METTL6: variants seen among roughly 807,000 people sequenced by gnomAD.
The protein encoded by METTL6 is tRNA N(3)-cytidine methyltransferase METTL6.
A neutral mutation model predicts 26.4 loss-of-function variants in METTL6; 22 were observed. The ratio of observed to expected loss-of-function variants is 0.83; its 90% CI spans 0.59 to 1.19. The LOEUF (loss-of-function observed/expected upper bound fraction) is 1.19. Among genes scored for constraint, METTL6 ranks in the 50% most tolerant of loss-of-function variants. The pLI is 0.00. For synonymous variants in METTL6, 109 were observed against 116.2 expected (o/e 0.94, Z 0.40); for missense variants, 304 against 324.8 (o/e 0.94, Z 0.49).
At chr3:15,401,536 C>CAAAAAAAAAAAAAAA (rs35578326) in intron 6 of METTL6, among the ~76,000 whole-genome samples, 5 of 71,856 alleles carry the variant, frequency 7.0e-5, no homozygotes, top group South Asian at 5.1e-4. Context: ...ATGTTCACGC[C>CAAAAAAAAAAAAAAA]AAAAAAAAAA....
At chr3:15,401,039 TTTC>T (rs1370264662) in intron 6 of METTL6, among the ~76,000 whole-genome samples, 6 of 151,702 alleles carry the variant, frequency 4.0e-5, no homozygotes, top group African/African-American at 7.3e-5. Flanking sequence ...AGTTTTGTAT[TTTC>T]TTCTTTTTTT....
At chr3:15,392,232 C>T (rs1194572712) in intron 6 of METTL6, among the ~76,000 whole-genome samples, 1 of 152,194 alleles carries the variant, frequency 6.6e-6, no homozygotes, top group Non-Finnish European at 1.5e-5. Flanking sequence ...TTTTGATTTG[C>T]ATTTCTCTGA....
intron 6 of METTL6, among the ~76,000 whole-genome samples, chr3:15,396,547 T>C (rs1389734208): frequency 6.6e-6 from 1 of 152,206 alleles, no homozygotes; most frequent in Non-Finnish European, 1.5e-5. Flanking sequence ...CTGCGTTCCT[T>C]TGGAGGAGGA....
chr3:15,423,141 A>G (rs1055223638), intron 3 of METTL6, among the ~76,000 whole-genome samples: 5 of 152,334 alleles, frequency 3.3e-5, no homozygotes, highest in Admixed American at 3.3e-4. Flanking sequence ...CACGCCTGTA[A>G]TCCCAGCACT....
intron 1 of METTL6, among the ~76,000 whole-genome samples, chr3:15,426,856 T>G (rs1424627014): frequency 6.6e-6 from 1 of 152,206 alleles, no homozygotes; most frequent in East Asian, 1.9e-4. Flanking sequence ...TCAAACCAGA[T>G]GAGTCAACTA....
intron 3 of METTL6, among the ~76,000 whole-genome samples, chr3:15,421,694 G>A (rs2061614705): frequency 6.6e-6 from 1 of 151,938 alleles, no homozygotes; most frequent in African/African-American, 2.4e-5. Context: ...TGGATCACCT[G>A]AGGTCAGGAG....
intron 5 of METTL6, among the ~76,000 whole-genome samples, 197 bp from the exon 6 acceptor site, chr3:15,411,634 A>C (rs1006955890): frequency 6.6e-6 from 1 of 152,210 alleles, no homozygotes; most frequent in African/African-American, 2.4e-5. Context: ...CCTCCAATTA[A>C]ACAATTAAAT....
intron 6 of METTL6, among the ~76,000 whole-genome samples, chr3:15,403,979 C>T (rs566278781): frequency 6.6e-5 from 10 of 152,296 alleles, no homozygotes; most frequent in South Asian, 6.2e-4. Context: ...AGAGGTCACT[C>T]TCGTCGCCAT....
chr3:15,402,316 G>A (rs548029076), intron 6 of METTL6, among the ~76,000 whole-genome samples: 10 of 152,308 alleles, frequency 6.6e-5, no homozygotes, highest in African/African-American at 2.4e-4. Flanking sequence ...TAGGGAATGG[G>A]GAGTGCCCAT....
At chr3:15,386,116 A>G (rs894164455) in intron 6 of METTL6, among the ~76,000 whole-genome samples, 1 of 152,196 alleles carries the variant, frequency 6.6e-6, no homozygotes, top group African/African-American at 2.4e-5. Flanking sequence ...TGGATTATTC[A>G]TGAGTTTTCT....
chr3:15,392,343 G>T (rs1365441870), intron 6 of METTL6, among the ~76,000 whole-genome samples: 1 of 149,578 alleles, frequency 6.7e-6, no homozygotes, highest in Non-Finnish European at 1.5e-5. Flanking sequence ...TGTTGATGGG[G>T]TTGTTTTTTT....
chr3:15,412,094 T>C (rs946145097), intron 5 of METTL6, among the ~76,000 whole-genome samples: 2 of 152,206 alleles, frequency 1.3e-5, no homozygotes, highest in Admixed American at 6.6e-5. Context: ...AATTATCTTA[T>C]TGTTTCCCAT....
At chr3:15,401,667 T>C (rs569007163) in intron 6 of METTL6, among the ~76,000 whole-genome samples, 1 of 152,062 alleles carries the variant, frequency 6.6e-6, no homozygotes, top group African/African-American at 2.4e-5. Context: ...AAAAGTGATC[T>C]CTGGTCATCC....
At chr3:15,395,382 C>T (rs537925825) in intron 6 of METTL6, among the ~76,000 whole-genome samples, 1 of 152,252 alleles carries the variant, frequency 6.6e-6, no homozygotes, top group East Asian at 1.9e-4. Flanking sequence ...TTACTTTGAG[C>T]CTATGTGCAT....
downstream of METTL6, among the ~76,000 whole-genome samples, chr3:15,407,129 C>T (rs1699825063): frequency 6.6e-6 from 1 of 152,140 alleles, no homozygotes; most frequent in African/African-American, 2.4e-5. Flanking sequence ...TGAGCCTCGG[C>T]CTCTCAATTA....
intron 6 of METTL6, among the ~76,000 whole-genome samples, chr3:15,391,437 C>T (rs946661621): frequency 6.6e-6 from 1 of 151,938 alleles, no homozygotes; most frequent in African/African-American, 2.4e-5. Context: ...TTTTTGTGCT[C>T]CACTCTACTA....
chr3:15,399,578 GTGT>G (rs1699585002), intron 6 of METTL6: 1 of 146,496 alleles, frequency 6.8e-6, no homozygotes, highest in African/African-American at 2.6e-5. Context: ...GTGTGTGTGT[GTGT>G]TGGAGGCTGG....
chr3:15,401,394 G>A (rs561953344), intron 6 of METTL6, among the ~76,000 whole-genome samples: 78 of 151,512 alleles, frequency 5.1e-4, no homozygotes, highest in African/African-American at 1.8e-3. Flanking sequence ...GCCTGGTCTC[G>A]AATTCCTGGG....
chr3:15,401,437 G>A (rs923966421), intron 6 of METTL6, among the ~76,000 whole-genome samples: 18 of 149,608 alleles, frequency 1.2e-4, no homozygotes, highest in Non-Finnish European at 2.7e-4. Context: ...GCCTCCCAAA[G>A]TGCTGGGAAT....
Sources: gnomAD v4.1 joint callset for allele counts (sites outside exome capture counted in the v4.1 genomes callset) on GRCh38, gnomAD v4.1.1 for gene constraint, MANE v1.5 for transcripts, NCBI Gene and HGNC (gene_info 2026-07-23, HGNC 2026-07-21) for gene names.